The following DLG2 variants were observed in gnomAD, a reference collection of about 807,000 sequenced individuals.
DLG2 encodes the protein discs large MAGUK scaffold protein 2.
Under a neutral mutation model 132.5 loss-of-function variants are expected in DLG2, and 45 were observed. That is an observed-to-expected ratio of 0.34 (90% CI 0.27 to 0.44). DLG2 has a LOEUF of 0.44. DLG2 is among the 20% of genes least tolerant of loss of function. DLG2 has a pLI of 1.00. For missense variants in DLG2, 1,045 were observed against 1,196.9 expected (o/e 0.87, Z 1.87); for synonymous variants, 424 against 419.6 (o/e 1.01, Z -0.13).
At chr11:85,205,962 T>C (rs1296689059) in intron 4 of DLG2, among the ~76,000 whole-genome samples, 3 of 152,210 alleles carry the variant, frequency 2.0e-5, no homozygotes, top group African/African-American at 7.2e-5. Flanking sequence ...GGTTTGGATC[T>C]ATGTCACCCC....
At chr11:85,431,925 C>T (rs537528149) in intron 3 of DLG2, among the ~76,000 whole-genome samples, 3 of 152,254 alleles carry the variant, frequency 2.0e-5, no homozygotes, top group East Asian at 1.9e-4. Context: ...GGCATCAGGT[C>T]GGTGCCCCTT....
intron 3 of DLG2, among the ~76,000 whole-genome samples, chr11:85,321,069 C>A (rs1248175686): frequency 6.6e-6 from 1 of 151,678 alleles, no homozygotes; most frequent in Admixed American, 6.6e-5. Flanking sequence ...GAATAGGAAA[C>A]TATTGAGCAC....
chr11:84,849,075 C>T (rs545408442), intron 6 of DLG2, among the ~76,000 whole-genome samples: 330 of 152,260 alleles, frequency 2.2e-3, no homozygotes, highest in Middle Eastern at 0.014. Context: ...CTGGCAAGGT[C>T]ACATGGAGAA....
At chr11:84,795,931 T>G (rs2074535187) in intron 6 of DLG2, among the ~76,000 whole-genome samples, 1 of 152,174 alleles carries the variant, frequency 6.6e-6, no homozygotes, top group Non-Finnish European at 1.5e-5. Context: ...CCACCACAGC[T>G]GGTGTGCCTA....
chr11:85,013,865 T>G (rs567922425), intron 6 of DLG2, among the ~76,000 whole-genome samples: 76 of 152,316 alleles, frequency 5.0e-4, no homozygotes, highest in African/African-American at 1.8e-3. Context: ...TGGTTATTTT[T>G]TTAAGGTGCA....
intron 12 of DLG2, among the ~76,000 whole-genome samples, chr11:83,967,687 T>C (rs12282675): frequency 0.05 from 7,547 of 152,282 alleles, 255 homozygotes; most frequent in Middle Eastern, 0.092. Context: ...TTTCATTTTG[T>C]TGATTGTTTC....
chr11:84,016,756 C>T (rs2095212038), intron 11 of DLG2, among the ~76,000 whole-genome samples: 1 of 151,950 alleles, frequency 6.6e-6, no homozygotes, highest in Non-Finnish European at 1.5e-5. Context: ...AATTATTATT[C>T]TTATTTTGTT....
chr11:85,609,733 C>T (rs1008741546), intron 2 of DLG2, among the ~76,000 whole-genome samples: 5 of 152,130 alleles, frequency 3.3e-5, no homozygotes, highest in Non-Finnish European at 7.3e-5. Flanking sequence ...CACTGAGCCC[C>T]GGATACGTTT....
At chr11:85,402,521 C>A (rs190176676) in intron 3 of DLG2, among the ~76,000 whole-genome samples, 1 of 151,988 alleles carries the variant, frequency 6.6e-6, no homozygotes, top group African/African-American at 2.4e-5. Flanking sequence ...AGCTTCTGCA[C>A]AGCAAAAGAA....
intron 7 of DLG2, among the ~76,000 whole-genome samples, chr11:84,526,775 G>GTTTTT (rs775164278): frequency 5.8e-5 from 7 of 120,394 alleles, no homozygotes; most frequent in African/African-American, 9.3e-5. Context: ...CACTGGGGGT[G>GTTTTT]TTTTTTTTTT....
At chr11:84,139,907 A>G (rs529204284) in intron 9 of DLG2, among the ~76,000 whole-genome samples, 5 of 152,354 alleles carry the variant, frequency 3.3e-5, no homozygotes, top group African/African-American at 4.8e-5. Context: ...AATGTCTTTC[A>G]TAGTACTTAA....
intron 19 of DLG2, among the ~76,000 whole-genome samples, chr11:83,606,039 C>T (rs1242698773): frequency 6.6e-6 from 1 of 152,196 alleles, no homozygotes; most frequent in African/African-American, 2.4e-5. Flanking sequence ...TTTTTAGACT[C>T]ATTCCACAGA....
intron 7 of DLG2, among the ~76,000 whole-genome samples, chr11:84,502,214 C>CT (rs1567803466): frequency 0.067 from 781 of 11,630 alleles, 233 homozygotes; most frequent in Non-Finnish European, 0.075. Context: ...TTCCTTCCTT[C>CT]CTTCCTTCCT....
chr11:83,590,328 G>T (rs1242344528), intron 19 of DLG2, among the ~76,000 whole-genome samples: 1 of 152,142 alleles, frequency 6.6e-6, no homozygotes, highest in African/African-American at 2.4e-5. Flanking sequence ...AACTCAGGAT[G>T]AAGAATCTCA....
intron 5 of DLG2, chr11:85,133,055 G>T (rs2075855194): frequency 5.8e-6 from 2 of 343,470 alleles, no homozygotes; most frequent in South Asian, 2.3e-5. Context: ...GGGCTCCGTG[G>T]CTGCATGGTC....
chr11:84,141,718 G>A (rs1480351176), intron 9 of DLG2, among the ~76,000 whole-genome samples: 1 of 151,964 alleles, frequency 6.6e-6, no homozygotes, highest in Non-Finnish European at 1.5e-5. Context: ...ACTACTAGAG[G>A]CTCATCATTG....
chr11:84,824,914 TG>T (rs1384966905), intron 6 of DLG2, among the ~76,000 whole-genome samples: 6 of 151,896 alleles, frequency 4.0e-5, no homozygotes, highest in Non-Finnish European at 8.8e-5. Context: ...ATTAAGCATT[TG>T]TTCTCCACGA....
chr11:84,330,223 A>G (rs1452884563), intron 7 of DLG2, among the ~76,000 whole-genome samples: 1 of 152,224 alleles, frequency 6.6e-6, no homozygotes, highest in Non-Finnish European at 1.5e-5. Flanking sequence ...AATAAAGGTC[A>G]GTTTATTTCA....
At chr11:84,251,326 A>G in intron 7 of DLG2, 35 bp from the exon 8 acceptor site, 1 of 1,442,524 alleles carries the variant, frequency 6.9e-7, no homozygotes, top group Non-Finnish European at 9.5e-7. Context: ...TTAAATAATG[A>G]ATAGTGTATT....
Sources: gnomAD v4.1 joint callset for allele counts (sites outside exome capture counted in the v4.1 genomes callset) on GRCh38, gnomAD v4.1.1 for gene constraint, MANE v1.5 for transcripts, NCBI Gene and HGNC (gene_info 2026-07-23, HGNC 2026-07-21) for gene names.